KIAA0232: variants seen among roughly 807,000 people sequenced by gnomAD.
KIAA0232 encodes the protein KIAA0232.
In KIAA0232, 27 loss-of-function variants were observed where a neutral mutation model predicts 122.0. That is an observed-to-expected ratio of 0.22 (90% CI 0.16 to 0.31). KIAA0232 has a LOEUF of 0.31. Among genes scored for constraint, KIAA0232 ranks in the 10% least tolerant of loss-of-function variants. The pLI is 1.00. For synonymous variants in KIAA0232, 613 were observed against 587.6 expected (o/e 1.04, Z -0.63); for missense variants, 1,551 against 1,634.2 (o/e 0.95, Z 0.88).
chr4:6,859,346 A>C lies in KIAA0232; in HGVS notation c.518+840A>C, dbSNP rs75975451. ...TTTCGAACCTCTGAAACCTAAGAAA[A>C]AAATAGCATTTCCTTGGTTTGTATA... On this transcript the variant is annotated intron_variant, in intron 6 of 9. Coordinates refer to ENST00000307659, the MANE Select transcript of KIAA0232 (RefSeq NM_014743.3). 3.9e-5 allele frequency among the ~76,000 whole-genome samples: 6 copies of C among 152,272 alleles called. No individual in the cohort carries two copies. In the East Asian group the frequency reaches 9.6e-4, roughly 24 times the overall value.
chr4:6,863,871 T>C lies in KIAA0232; in HGVS notation c.3489T>C (p.His1163=), dbSNP rs776361481. 1 of 1,614,064 alleles carries C rather than the reference T, an allele frequency of 6.2e-7. No individual in the cohort carries two copies. Among genetic ancestry groups the C allele is most frequent in the Admixed American group, 1.7e-5 (1 of 60,008 alleles). Residue 1163 remains histidine (H), a synonymous_variant, in exon 7 of 10, where the codon CAT becomes CAC. Coordinates refer to ENST00000307659, the MANE Select transcript of KIAA0232 (RefSeq NM_014743.3). ...PLEEDAEKEG[H]YYGKSELESG... ...AAGAAGATGCAGAGAAAGAAGGCCA[T>C]TACTATGGAAAATCAGAGCTTGAGT...
Position 6,883,963 on chromosome 4 carries a change from G to A in KIAA0232, c.*2997G>A, listed in dbSNP as rs557897581. On this transcript the variant is annotated 3_prime_UTR_variant, in exon 10 of 10. Transcript: ENST00000307659. The stretch of plus-strand genomic sequence containing the variant: ...GTTTTTACTCAGATGTCTTCATGTC[G>A]GTAATTATAGAACTACATAATTATT... 42 of 152,078 alleles carry A rather than the reference G, an allele frequency of 2.8e-4. No homozygotes were observed. The highest frequency in any genetic ancestry group is 9.9e-4 in the African/African-American group (41 of 41,484). The allele number at this position is 152,078 out of a possible 1,614,324, so 9.4% of individuals were successfully genotyped here.
Position 6,862,294 on chromosome 4 carries a change from A to G in KIAA0232, c.1912A>G (p.Ile638Val). ...LAGNQELFSD[I>V]NEGSGINSCF... ...TGGCAATCAAGAGCTCTTTTCAGATATTAATGAAGGATCTGGTATAAACTC... is the reference window on the plus strand; with the variant it reads ...TGGCAATCAAGAGCTCTTTTCAGATGTTAATGAAGGATCTGGTATAAACTC... Residue 638 changes from isoleucine to valine, a missense_variant, in exon 7 of 10, where the codon ATT (isoleucine) becomes GTT (valine). Physicochemically the swap from Ile to Val is conservative, Grantham distance 29 (BLOSUM62 3). This residue lies in a region of KIAA0232 where 1,108 missense variants were observed against 1,154.8 expected (regional missense o/e 0.96). Coordinates refer to ENST00000307659, the MANE Select transcript of KIAA0232 (RefSeq NM_014743.3). 1 of 1,614,196 alleles carries G rather than the reference A, an allele frequency of 6.2e-7. No homozygotes were observed.
At position 6,855,179 on chromosome 4, in the gene KIAA0232, G is replaced by A. The variant is rs1288925603; in HGVS notation, c.370-1985G>A. Among the ~76,000 whole-genome samples, 1 of 151,942 alleles carries A rather than the reference G, an allele frequency of 6.6e-6. No homozygotes were observed. On this transcript the variant is annotated intron_variant, in intron 4 of 9. Transcript: ENST00000307659. This position sits in a 1 kb window ranked among gnomAD's most constrained non-coding sequence, Gnocchi z 4.3. ...AGCTCACTGCAACCTCCACCTCCTG[G>A]GTTCAAGCAGTTCTCCTGCCTCAGC...
chr4:6,878,341 C>G (rs1721859855), intron 9 of KIAA0232, among the ~76,000 whole-genome samples: 1 of 152,078 alleles, frequency 6.6e-6, no homozygotes, highest in African/African-American at 2.4e-5. Context: ...CACCACTGCA[C>G]TCCAGCCTGG....
intron 1 of KIAA0232, among the ~76,000 whole-genome samples, chr4:6,801,746 GT>G (rs1205775325): frequency 3.9e-5 from 6 of 152,082 alleles, no homozygotes; most frequent in African/African-American, 1.2e-4. Context: ...GCATATCCAT[GT>G]TTTTAAATGT....
intron 9 of KIAA0232, 69 bp from the exon 10 acceptor site, chr4:6,880,718 G>C (rs1722026172): frequency 9.7e-7 from 1 of 1,035,052 alleles, no homozygotes; most frequent in Admixed American, 2.9e-5. Context: ...TTTGTATATA[G>C]ATAGAGTATC....
intron 2 of KIAA0232, among the ~76,000 whole-genome samples, chr4:6,808,034 C>G (rs913470321): frequency 2.0e-5 from 3 of 152,172 alleles, no homozygotes; most frequent in Non-Finnish European, 4.4e-5. Context: ...TGCCACTACA[C>G]TCTAGCCTGG....
chr4:6,871,738 C>A, intron 8 of KIAA0232, 56 bp downstream of exon 8: 1 of 1,083,358 alleles, frequency 9.2e-7, no homozygotes, highest in Non-Finnish European at 1.4e-6. Context: ...TTGTTAAGAG[C>A]AATAATTTCT....
chr4:6,794,679 G>C (rs1478545111), intron 1 of KIAA0232, among the ~76,000 whole-genome samples: 1 of 152,190 alleles, frequency 6.6e-6, no homozygotes, highest in Non-Finnish European at 1.5e-5. Context: ...TCGAGGGGTA[G>C]AGGAGAGCAA....
intron 7 of KIAA0232, among the ~76,000 whole-genome samples, chr4:6,865,998 A>G (rs1270076204): frequency 6.6e-6 from 1 of 152,110 alleles, no homozygotes; most frequent in Non-Finnish European, 1.5e-5. Flanking sequence ...CTGTGATTCT[A>G]GGAAGCCCCC....
At position 6,882,122 on chromosome 4, in the gene KIAA0232, T is replaced by C. The variant is rs568432344; in HGVS notation, c.*1156T>C. The C allele has an allele frequency of 8.7e-4, 132 of 152,584 alleles. No homozygotes were observed. The highest frequency in any genetic ancestry group is 3.1e-3 in the African/African-American group (127 of 41,590). The allele number at this position is 152,584 out of a possible 1,614,324, so 9.5% of individuals were successfully genotyped here. A position where few individuals can be genotyped will look rare whatever the true frequency, so the allele number is the denominator to read the frequency against. Reference sequence around the variant, plus strand: ...GCCGGCGCATCTTGTGAGTCGCGTCTGTGCATGGCGATCCGCTCCTCCGGC... The same window carrying C: ...GCCGGCGCATCTTGTGAGTCGCGTCCGTGCATGGCGATCCGCTCCTCCGGC... On this transcript the variant is annotated 3_prime_UTR_variant, in exon 10 of 10. Transcript: ENST00000307659.
chr4:6,825,015 A>G (rs998937232), intron 3 of KIAA0232, among the ~76,000 whole-genome samples: 1 of 152,210 alleles, frequency 6.6e-6, no homozygotes, highest in African/African-American at 2.4e-5. Flanking sequence ...GATTTCTACT[A>G]TTTAGAAAAC....
Position 6,881,009 on chromosome 4 carries a change from A to G in KIAA0232, c.*43A>G, listed in dbSNP as rs370059420. ...AATTATTGTTTAAAAATGATATGTGATGGAAAATTACTCTTCAGTGAGACC... is the reference window on the plus strand; with the variant it reads ...AATTATTGTTTAAAAATGATATGTGGTGGAAAATTACTCTTCAGTGAGACC... On this transcript the variant is annotated 3_prime_UTR_variant, in exon 10 of 10. Transcript: ENST00000307659. 5.2e-6 allele frequency: 7 copies of G among 1,349,726 alleles called. No homozygotes were observed. Among genetic ancestry groups the G allele is most frequent in the Non-Finnish European group, 6.8e-6 (7 of 1,031,834 alleles). 83.6% of individuals were successfully genotyped at this position (1,349,726 alleles called of 1,614,324 possible).
At chr4:6,841,959 C>G (rs911107227) in intron 3 of KIAA0232, 108 bp from the exon 4 acceptor site, 1 of 1,258,676 alleles carries the variant, frequency 7.9e-7, no homozygotes, top group Non-Finnish European at 1.1e-6. Context: ...TCCTAAAACT[C>G]GTATGGAAAT....
rs1467359021 is a variant in KIAA0232 at position 6,882,422 on chromosome 4, C to G, written c.*1456C>G. The G allele has an allele frequency of 1.3e-5, 2 of 152,126 alleles. No homozygotes were observed. The highest frequency in any genetic ancestry group is 2.9e-5 in the Non-Finnish European group (2 of 68,036). 9.4% of individuals were successfully genotyped at this position (152,126 alleles called of 1,614,324 possible). A position where few individuals can be genotyped will look rare whatever the true frequency, so the allele number is the denominator to read the frequency against. ...CTGGGAGCTGAACTGGCTGTGAAAT[C>G]TATGATTTGCTTTGAACATTTGGGT... On this transcript the variant is annotated 3_prime_UTR_variant, in exon 10 of 10. Transcript: ENST00000307659.
intron 1 of KIAA0232, among the ~76,000 whole-genome samples, chr4:6,789,474 A>G (rs1050841689): frequency 7.5e-5 from 11 of 145,750 alleles, no homozygotes; most frequent in African/African-American, 2.6e-4. Flanking sequence ...GGGTTTCACC[A>G]TGTTGGCCAG....
At position 6,831,007 on chromosome 4, in the gene KIAA0232, A is replaced by T. The variant is rs532977516; in HGVS notation, c.231+6323A>T. Among the ~76,000 whole-genome samples, 13 of 152,216 alleles carry T rather than the reference A, an allele frequency of 8.5e-5. No homozygotes were observed. In the East Asian group the frequency reaches 2.5e-3, roughly 29 times the overall value. On this transcript the variant is annotated intron_variant, in intron 3 of 9. Coordinates refer to ENST00000307659, the MANE Select transcript of KIAA0232 (RefSeq NM_014743.3). ...GTCCTGTCTAACTACCTTTGTACAA[A>T]GTAGTGCTTTCTTTCTCTTTTTTTT...
chr4:6,874,247 T>C (rs1460792526), intron 8 of KIAA0232, among the ~76,000 whole-genome samples: 1 of 152,140 alleles, frequency 6.6e-6, no homozygotes, highest in Non-Finnish European at 1.5e-5. Flanking sequence ...GTCCCTGTCC[T>C]CCCCCTGCTC....
Sources: gnomAD v4.1 joint callset for allele counts (sites outside exome capture counted in the v4.1 genomes callset) on GRCh38, gnomAD v4.1.1 for gene constraint, gnomAD v4.1.1 regional missense constraint, Gnocchi (gnomAD v3.1) non-coding constraint, MANE v1.5 for transcripts, NCBI Gene and HGNC (gene_info 2026-07-23, HGNC 2026-07-21) for gene names.